Variants in SATL1 observed in about 807,000 individuals in gnomAD.
SATL1 encodes the protein spermidine/spermine N(1)-acetyltransferase-like protein 1.
In SATL1, 47 loss-of-function variants were observed where a neutral mutation model predicts 51.8. The ratio of observed to expected loss-of-function variants is 0.91; its 90% CI spans 0.72 to 1.16. The LOEUF is 1.16. Ranked by LOEUF, SATL1 falls within the 50% of genes most tolerant of loss-of-function variation. SATL1 has a pLI of 0.00. For synonymous variants in SATL1, 176 were observed against 182.4 expected, an observed-to-expected ratio of 0.97 and a Z score of 0.28; for missense variants, 520 against 526.4, an observed-to-expected ratio of 0.99 and a Z score of 0.12.
chrX:85,186,469 C>T (rs1927316332), intron 2 of SATL1, among the ~76,000 whole-genome samples: 1 of 110,673 alleles, frequency 9.0e-6, no homozygotes, highest in South Asian at 3.8e-4. Context: ...TTATTTAGGC[C>T]CCCAGAGCAC....
chrX:85,158,753 T>C (rs1926650589), intron 2 of SATL1, among the ~76,000 whole-genome samples: 1 of 111,583 alleles, frequency 9.0e-6, no homozygotes, highest in African/African-American at 3.3e-5. Flanking sequence ...GCAACAAATA[T>C]GGATAAATGC....
intron 2 of SATL1, among the ~76,000 whole-genome samples, chrX:85,167,260 G>C (rs1050667249): frequency 1.2e-4 from 12 of 102,600 alleles, no homozygotes; most frequent in Middle Eastern, 4.5e-3. Context: ...ATGGGGGGGG[G>C]GTTGATGAGG....
At chrX:85,150,510 C>G (rs1417021912) in intron 2 of SATL1, among the ~76,000 whole-genome samples, 2 of 108,727 alleles carry the variant, frequency 1.8e-5, no homozygotes, top group East Asian at 5.8e-4. Flanking sequence ...GAGACACAAC[C>G]AAAAAAGAGA....
intron 1 of SATL1, among the ~76,000 whole-genome samples, chrX:85,243,021 T>C (rs932648625): frequency 1.8e-5 from 2 of 112,254 alleles, no homozygotes; most frequent in African/African-American, 6.5e-5. Flanking sequence ...ACTCCTGGTC[T>C]ACTATGAGCC....
At chrX:85,144,985 G>A (rs976171315) in intron 2 of SATL1, among the ~76,000 whole-genome samples, 9 of 110,610 alleles carry the variant, frequency 8.1e-5, no homozygotes, top group African/African-American at 2.3e-4. Context: ...TGCATGAGCC[G>A]TGATTGCACC....
At chrX:85,122,571 A>G (rs1319718693) in intron 2 of SATL1, among the ~76,000 whole-genome samples, 2 of 111,487 alleles carry the variant, frequency 1.8e-5, no homozygotes, top group Non-Finnish European at 3.8e-5. Flanking sequence ...AGAGCCTGGC[A>G]TATTGTAAGC....
At chrX:85,136,658 T>C (rs1925964330) in intron 2 of SATL1, among the ~76,000 whole-genome samples, 1 of 111,642 alleles carries the variant, frequency 9.0e-6, no homozygotes, top group Non-Finnish European at 1.9e-5. Flanking sequence ...TCAATTTCAG[T>C]GGCCTGAAGG....
intron 2 of SATL1, among the ~76,000 whole-genome samples, chrX:85,190,880 C>T (rs1033750018): frequency 9.3e-6 from 1 of 107,200 alleles, no homozygotes; most frequent in Non-Finnish European, 1.9e-5. Context: ...GAAAACCAAA[C>T]ACCGCATGCT....
intron 2 of SATL1, among the ~76,000 whole-genome samples, chrX:85,168,085 C>T (rs1362126673): frequency 9.1e-6 from 1 of 110,419 alleles, no homozygotes. Context: ...ATTCAACACC[C>T]TTTCATATTA....
chrX:85,159,692 C>T (rs1926672847), intron 2 of SATL1, among the ~76,000 whole-genome samples: 1 of 111,286 alleles, frequency 9.0e-6, no homozygotes, highest in African/African-American at 3.3e-5. Context: ...TATTAGCCCT[C>T]ATGGTAACAC....
chrX:85,211,455 G>A (rs1927921898), intron 2 of SATL1: 1 of 111,478 alleles, frequency 9.0e-6, no homozygotes, highest in Admixed American at 9.5e-5. Context: ...CAGTTGATTT[G>A]TATGGATTAG....
intron 7 of SATL1, 63 bp downstream of exon 7, chrX:85,093,122 C>T: frequency 9.8e-7 from 1 of 1,020,692 alleles, no homozygotes; most frequent in Non-Finnish European, 1.3e-6. Flanking sequence ...TAATTTATGC[C>T]CTGTGAATAT....
chrX:85,174,191 G>C (rs893648543), intron 2 of SATL1, among the ~76,000 whole-genome samples: 5 of 110,277 alleles, frequency 4.5e-5, no homozygotes, highest in African/African-American at 1.7e-4. Context: ...CATTTGGGTT[G>C]GTTCCAAGTC....
intron 2 of SATL1, among the ~76,000 whole-genome samples, chrX:85,171,896 A>T (rs1926980679): frequency 9.0e-6 from 1 of 111,512 alleles, no homozygotes; most frequent in African/African-American, 3.2e-5. Flanking sequence ...GAGAATGCCA[A>T]GTTAAAGAAA....
At chrX:85,148,524 A>G (rs1447916126) in intron 2 of SATL1, among the ~76,000 whole-genome samples, 1 of 110,845 alleles carries the variant, frequency 9.0e-6, no homozygotes, top group Non-Finnish European at 1.9e-5. Flanking sequence ...CAGATTCACC[A>G]AAGTTGAAAT....
chrX:85,105,512 A>T (rs1483668888), intron 3 of SATL1, among the ~76,000 whole-genome samples: 1 of 111,914 alleles, frequency 8.9e-6, no homozygotes, highest in Non-Finnish European at 1.9e-5. Context: ...CACTTTAAGG[A>T]CCACCACAAT....
chrX:85,131,277 G>T (rs936820024), intron 2 of SATL1, among the ~76,000 whole-genome samples: 12 of 110,780 alleles, frequency 1.1e-4, no homozygotes, highest in African/African-American at 3.0e-4. Context: ...ATTGTATGGG[G>T]GTCTAAGTCT....
intron 1 of SATL1, among the ~76,000 whole-genome samples, chrX:85,227,175 G>GCAATCATACTGAATCTCTCTAGTC (rs1488487740): frequency 9.0e-6 from 1 of 111,185 alleles, no homozygotes; most frequent in African/African-American, 3.3e-5. Context: ...TTGCTACCTA[G>GCAATCATACTGAATCTCTCTAGTC]CAATCATACT....
At chrX:85,114,769 T>C (rs1286706700) in intron 2 of SATL1, among the ~76,000 whole-genome samples, 1 of 112,493 alleles carries the variant, frequency 8.9e-6, no homozygotes, top group Non-Finnish European at 1.9e-5. Flanking sequence ...TGCGTTAGTG[T>C]ACTATTGATG....
Sources: allele counts gnomAD v4.1 joint callset (sites outside exome capture counted in the v4.1 genomes callset), GRCh38; gene constraint gnomAD v4.1.1; transcripts MANE v1.5; gene names NCBI Gene and HGNC (gene_info 2026-07-23, HGNC 2026-07-21).